Variants in ZNF536 observed in about 807,000 individuals in gnomAD.
ZNF536 encodes the protein zinc finger protein 536.
ZNF536 carries 13 observed loss-of-function variants against 84.5 expected under a neutral mutation model. The ratio of observed to expected loss-of-function variants is 0.15; its 90% CI spans 0.10 to 0.24. ZNF536 has a LOEUF of 0.24. ZNF536 is among the 10% of genes least tolerant of loss of function. ZNF536 has a pLI of 1.00. For synonymous variants in ZNF536, 811 were observed against 742.5 expected (o/e 1.09, Z -1.50); for missense variants, 1,536 against 1,747.5 (o/e 0.88, Z 2.16).
At chr19:30,424,974 G>A (rs1007506392) in intron 1 of ZNF536, among the ~76,000 whole-genome samples, 3 of 152,154 alleles carry the variant, frequency 2.0e-5, no homozygotes, top group Admixed American at 6.5e-5. Context: ...CCAGGGGTGT[G>A]CGTGGAGCCT....
chr19:30,483,500 A>G (rs1285413519), intron 2 of ZNF536, among the ~76,000 whole-genome samples: 2 of 15,878 alleles, frequency 1.3e-4, no homozygotes, highest in Non-Finnish European at 2.8e-4. Flanking sequence ...CACCCCACCC[A>G]TCCAACAACC....
rs145075061 is a variant in ZNF536 at position 30,253,729 on chromosome 19, G to A, written c.-190+25056G>A. On this transcript the variant is annotated intron_variant, in intron 1 of 5. Coordinates refer to the ZNF536 transcript ENST00000585628. ...GGCTTGGTTCCTGGGGACATGTGGG[G>A]TGGCGCCGACAGCTCCAGCCGGGCT... Among the ~76,000 whole-genome samples the A allele has an allele frequency of 4.5e-3, 685 of 152,230 alleles. 5 individuals carry two copies. Among genetic ancestry groups the A allele is most frequent in the Middle Eastern group, 0.014 (4 of 294 alleles).
intron 1 of ZNF536, among the ~76,000 whole-genome samples, chr19:30,644,747 T>C (rs559092967): frequency 6.6e-6 from 1 of 152,384 alleles, no homozygotes; most frequent in African/African-American, 2.4e-5. Flanking sequence ...GTGCCACATT[T>C]TCTTAATCCA....
intron 2 of ZNF536, among the ~76,000 whole-genome samples, chr19:30,452,695 T>C (rs1463162462): frequency 6.6e-6 from 1 of 152,152 alleles, no homozygotes; most frequent in Non-Finnish European, 1.5e-5. Context: ...GGAGCATTGA[T>C]GGCAGGGGTG....
chr19:30,331,407 C>A (rs1045053033), intron 2 of ZNF536, among the ~76,000 whole-genome samples: 1 of 150,218 alleles, frequency 6.7e-6, no homozygotes, highest in South Asian at 2.1e-4. Context: ...TCTGTCTCTG[C>A]AGTGGTCATG....
chr19:30,587,642 T>A (rs925830705), intron 1 of ZNF536, among the ~76,000 whole-genome samples: 1 of 152,246 alleles, frequency 6.6e-6, no homozygotes, highest in East Asian at 1.9e-4. Context: ...TTCAGCCTCC[T>A]AAACTGGAGA....
At chr19:30,336,179 G>T (rs951055592) in intron 2 of ZNF536, among the ~76,000 whole-genome samples, 1 of 152,210 alleles carries the variant, frequency 6.6e-6, no homozygotes, top group Non-Finnish European at 1.5e-5. Flanking sequence ...GGCAGAACCT[G>T]CTTGATCACG....
chr19:30,656,988 C>T (rs10418876), intron 1 of ZNF536, among the ~76,000 whole-genome samples: 36,008 of 152,050 alleles, frequency 0.24, 5,303 homozygotes, highest in African/African-American at 0.41. Flanking sequence ...CACTCATGGC[C>T]GGCCCTTTTG....
At chr19:30,547,766 CA>C (rs2146165654) in intron 3 of ZNF536, among the ~76,000 whole-genome samples, 176 bp from the exon 4 acceptor site, 1 of 152,186 alleles carries the variant, frequency 6.6e-6, no homozygotes, top group African/African-American at 2.4e-5. Flanking sequence ...CCAAATGGTA[CA>C]AAATCATTAA....
chr19:30,393,010 A>T (rs1266803047), intron 1 of ZNF536, among the ~76,000 whole-genome samples: 3 of 152,206 alleles, frequency 2.0e-5, no homozygotes, highest in Non-Finnish European at 2.9e-5. Context: ...TCATTCATTT[A>T]TCTGGTCAGC....
At position 30,448,778 on chromosome 19, in the gene ZNF536, G is replaced by A. The variant is rs541213608; in HGVS notation, c.2170+3046G>A. 7.9e-5 allele frequency among the ~76,000 whole-genome samples: 12 copies of A among 152,322 alleles called. No homozygotes were observed. The South Asian group carries it at 8.3e-4, about 11-fold the overall frequency. On this transcript the variant is annotated intron_variant, in intron 2 of 4. Transcript: ENST00000355537. ...AAGGCTTACAATGAGTGGCAGAGAC[G>A]TCCTTTGTTATCTGATGTAATTCTT...
intron 1 of ZNF536, among the ~76,000 whole-genome samples, chr19:30,251,758 A>C (rs1599890381): frequency 6.6e-6 from 1 of 152,120 alleles, no homozygotes; most frequent in South Asian, 2.1e-4. Flanking sequence ...CTGAGTCCCC[A>C]AGGTCCATTG....
At chr19:30,686,738 C>T (rs888907328) in intron 1 of ZNF536, among the ~76,000 whole-genome samples, 3 of 152,184 alleles carry the variant, frequency 2.0e-5, no homozygotes, top group Admixed American at 6.5e-5. Flanking sequence ...CCTTCAGCGT[C>T]GCACACTCTC....
chr19:30,478,132 A>T (rs1021341532), intron 2 of ZNF536, among the ~76,000 whole-genome samples: 2 of 147,010 alleles, frequency 1.4e-5, no homozygotes, highest in African/African-American at 2.5e-5. Context: ...TTTAAGAAAG[A>T]TGGTTCATGG....
chr19:30,575,620 G>GC (rs1207424828), intron 1 of ZNF536, among the ~76,000 whole-genome samples: 1 of 152,240 alleles, frequency 6.6e-6, no homozygotes, highest in African/African-American at 2.4e-5. Context: ...CCTTCAGGCA[G>GC]CTCACAGTCT....
intron 1 of ZNF536, among the ~76,000 whole-genome samples, chr19:30,250,519 G>A (rs2024546762): frequency 1.3e-5 from 2 of 152,262 alleles, no homozygotes; most frequent in African/African-American, 4.8e-5. Flanking sequence ...CTGAAGTCGG[G>A]TCTGCAAGGG....
intron 1 of ZNF536, among the ~76,000 whole-genome samples, chr19:30,585,202 A>G (rs1201187309): frequency 6.6e-6 from 1 of 152,160 alleles, no homozygotes; most frequent in African/African-American, 2.4e-5. Context: ...AAGTTGATTC[A>G]TTTTCAGCTT....
At chr19:30,458,403 G>T (rs1371909177) in intron 2 of ZNF536, among the ~76,000 whole-genome samples, 4 of 147,578 alleles carry the variant, frequency 2.7e-5, no homozygotes, top group Non-Finnish European at 6.0e-5. Context: ...CTTGAGTAGA[G>T]AATTAACGTT....
In ZNF536 at chr19:30,279,437, A is replaced by G. The variant is rs75236945; in HGVS notation, c.-189-4635A>G. The stretch of plus-strand genomic sequence containing the variant: ...CACCAGGACCCCCTTCCTGTTGGAA[A>G]TCTGTAGCAACAATGGGTGTGTCAT... On this transcript the variant is annotated intron_variant, in intron 1 of 5. Coordinates refer to the ZNF536 transcript ENST00000585628. 2.6e-3 allele frequency among the ~76,000 whole-genome samples: 390 copies of G among 152,242 alleles called. 3 individuals carry two copies. The highest frequency in any genetic ancestry group is 8.9e-3 in the African/African-American group (371 of 41,544).
Sources: allele counts gnomAD v4.1 joint callset (sites outside exome capture counted in the v4.1 genomes callset), GRCh38; gene constraint gnomAD v4.1.1; transcripts MANE v1.5; gene names NCBI Gene and HGNC (gene_info 2026-07-23, HGNC 2026-07-21).